DPYSL3: variants seen among roughly 807,000 people sequenced by gnomAD.
DPYSL3 encodes dihydropyrimidinase like 3.
In DPYSL3, 16 loss-of-function variants were observed where a neutral mutation model predicts 66.1. That is an observed-to-expected ratio of 0.24 (90% confidence interval 0.16 to 0.37). The LOEUF (loss-of-function observed/expected upper bound fraction) is 0.37, where lower values mean the gene tolerates loss of function less well. Among genes scored for constraint, DPYSL3 ranks in the 10% least tolerant of loss-of-function variants. The pLI, the probability that DPYSL3 is intolerant of heterozygous loss-of-function variation, is 1.00. For missense variants in DPYSL3, 738 were observed against 916.2 expected (o/e 0.81, Z 2.51); for synonymous variants, 338 against 345.1 (o/e 0.98, Z 0.23).
intron 1 of DPYSL3, among the ~76,000 whole-genome samples, chr5:147,467,970 C>A (rs1304970428): frequency 6.6e-6 from 1 of 152,144 alleles, no homozygotes; most frequent in Non-Finnish European, 1.5e-5. Context: ...GCACTAACTG[C>A]ATTCGTGAGG....
At chr5:147,477,809 C>G (rs1219651051) in intron 1 of DPYSL3, among the ~76,000 whole-genome samples, 2 of 151,508 alleles carry the variant, frequency 1.3e-5, no homozygotes, top group African/African-American at 4.9e-5. Context: ...GTCTCGATCT[C>G]CTGACCTCAT....
rs542693058 is a variant in DPYSL3 at position 147,400,947 on chromosome 5, T to G, written c.1311-114A>C. 32 of 1,361,062 alleles carry G rather than the reference T, an allele frequency of 2.4e-5. No homozygotes were observed. The African/African-American group carries it at 3.9e-4, about 17-fold the overall frequency. The allele number at this position is 1,361,062 out of a possible 1,614,324, so 84.3% of individuals were successfully genotyped here. ...GCACTCTGACTATTTGGGTTTGGAA[T>G]GCCTCCTCTACCTCTTACTAGATAT... is the stretch of plus-strand genomic sequence containing the variant. On this transcript the variant is annotated intron_variant, in intron 9 of 13. Coordinates refer to ENST00000343218, the MANE Select transcript of DPYSL3 (RefSeq NM_001197294.2).
chr5:147,466,379 G>C (rs1466402338), intron 1 of DPYSL3, among the ~76,000 whole-genome samples: 1 of 152,162 alleles, frequency 6.6e-6, no homozygotes, highest in African/African-American at 2.4e-5. Context: ...TTTGATATCT[G>C]TTCAGAATTA....
intron 1 of DPYSL3, among the ~76,000 whole-genome samples, chr5:147,490,888 G>A (rs981995022): frequency 2.6e-5 from 4 of 152,130 alleles, no homozygotes; most frequent in Non-Finnish European, 5.9e-5. Flanking sequence ...AGGGTGGTGC[G>A]GCAGGAGCAT....
intron 1 of DPYSL3, among the ~76,000 whole-genome samples, chr5:147,489,709 G>A (rs534922076): frequency 7.0e-4 from 105 of 151,058 alleles, no homozygotes; most frequent in African/African-American, 2.2e-3. Flanking sequence ...CTCCGTTTAC[G>A]ACTTCAGCGT....
At chr5:147,449,608 G>A (rs1752689638) in intron 1 of DPYSL3, among the ~76,000 whole-genome samples, 1 of 152,196 alleles carries the variant, frequency 6.6e-6, no homozygotes, top group Non-Finnish European at 1.5e-5. Context: ...TTTGAAGCTG[G>A]ACAAGGCCTA....
At chr5:147,492,823 A>G (rs757661607) in intron 1 of DPYSL3, among the ~76,000 whole-genome samples, 4 of 152,214 alleles carry the variant, frequency 2.6e-5, no homozygotes, top group African/African-American at 7.2e-5. Context: ...GTATATATCC[A>G]TCTATAATCC....
intron 3 of DPYSL3, 101 bp downstream of exon 3, chr5:147,418,346 T>A: frequency 8.0e-7 from 1 of 1,255,014 alleles, no homozygotes; most frequent in African/African-American, 1.5e-5. Flanking sequence ...TAAACTGAAC[T>A]GGGACAAGTA....
At chr5:147,417,039 G>A (rs1405276130) in intron 3 of DPYSL3, among the ~76,000 whole-genome samples, 1 of 152,198 alleles carries the variant, frequency 6.6e-6, no homozygotes, top group East Asian at 1.9e-4. Flanking sequence ...AACTCTAACA[G>A]CGATGTGGGA....
At position 147,418,542 on chromosome 5, in the gene DPYSL3, T is replaced by C. The variant is rs767677729; in HGVS notation, c.560A>G (p.His187Arg). 2 of 1,613,540 alleles carry C rather than the reference T, an allele frequency of 1.2e-6. No homozygotes were observed. Among genetic ancestry groups the C allele is most frequent in the Non-Finnish European group, 1.7e-6 (2 of 1,179,728 alleles). The stretch of plus-strand genomic sequence containing the variant: ...CTTATATGGCATCTGGAAGTGAGTA[T>C]GGACATCGATGCCTCCAGGGATCAC... ...KMVIPGGIDV[H>R]THFQMPYKGM... The change falls in exon 3 of 14, where the codon CAT becomes CGT. Residue 187 changes from histidine to arginine, a missense_variant. His to Arg is a conservative substitution (Grantham distance 29). Transcript: ENST00000343218.
intron 1 of DPYSL3, among the ~76,000 whole-genome samples, chr5:147,471,938 A>C (rs1261445314): frequency 1.3e-5 from 2 of 151,438 alleles, no homozygotes; most frequent in Non-Finnish European, 3.0e-5. Context: ...TTCTTCTCCC[A>C]CTCCTCTCAG....
In DPYSL3 at chr5:147,509,739, G is replaced by C. The variant is rs1286764808; in HGVS notation, c.120C>G (p.Asn40Lys). 1 of 1,535,998 alleles carries C rather than the reference G, an allele frequency of 6.5e-7. No homozygotes were observed. The highest frequency in any genetic ancestry group is 2.4e-5 in the East Asian group (1 of 40,888). ...TCTTGCTCTCGAAGGCGCCCTCCACGTTGCAGAACATGCCGCCGTATTTCT... is the reference window on the plus strand; with the variant it reads ...TCTTGCTCTCGAAGGCGCCCTCCACCTTGCAGAACATGCCGCCGTATTTCT... The part of the protein sequence containing the change: ...PRQKYGGMFC[N>K]VEGAFESKTL... Residue 40 changes from asparagine to lysine, a missense_variant, in exon 1 of 14, where the codon AAC becomes AAG. Physicochemically the swap from Asn to Lys is moderately conservative, Grantham distance 94. Coordinates refer to ENST00000343218, the MANE Select transcript of DPYSL3 (RefSeq NM_001197294.2). The surrounding 1 kb of genome is among the most constrained non-coding windows in gnomAD (Gnocchi z 5.3).
At chr5:147,397,155 CATGT>C (rs10561142) in intron 12 of DPYSL3, among the ~76,000 whole-genome samples, 67,115 of 148,896 alleles carry the variant, frequency 0.45, 15,854 homozygotes, top group African/African-American at 0.57. Context: ...CATTTGCACA[CATGT>C]ATGTATCTAT....
At chr5:147,453,411 C>T in intron 1 of DPYSL3, 3 of 1,314,494 alleles carry the variant, frequency 2.3e-6, no homozygotes, top group South Asian at 1.8e-5. Context: ...CCGCCGCGCT[C>T]CGCCACCCGG....
intron 1 of DPYSL3, among the ~76,000 whole-genome samples, chr5:147,474,593 A>G (rs756208011): frequency 9.2e-5 from 14 of 152,046 alleles, no homozygotes; most frequent in South Asian, 2.1e-4. Context: ...TTCTTTTACA[A>G]CAGTGTTTAT....
chr5:147,403,994 G>T (rs1360118858), intron 8 of DPYSL3, among the ~76,000 whole-genome samples: 4 of 152,172 alleles, frequency 2.6e-5, no homozygotes, highest in Non-Finnish European at 5.9e-5. Context: ...GTCACCCTAA[G>T]AATGGGTCCC....
chr5:147,412,645 G>A lies in DPYSL3; in HGVS notation c.926C>T (p.Ala309Val), dbSNP rs1473049327. The A allele has an allele frequency of 1.2e-6, 2 of 1,613,086 alleles. No individual in the cohort carries two copies. Among genetic ancestry groups the A allele is most frequent in the Non-Finnish European group, 1.7e-6 (2 of 1,179,624 alleles). Residue 309 changes from alanine to valine, a missense_variant, in exon 6 of 14, where the codon GCT becomes GTT. By Grantham distance (64) the Ala-to-Val change is moderately conservative. Coordinates refer to ENST00000343218, the MANE Select transcript of DPYSL3 (RefSeq NM_001197294.2). ...ATCCCCATTCTCAGCATGAACTTGA[G>A]CAATGGCCCCCAGCTCTCCCAGGCA... ...FTCLGELGAIAQVHAENGDII... is the reference protein window; with the variant it reads ...FTCLGELGAIVQVHAENGDII...
intron 8 of DPYSL3, among the ~76,000 whole-genome samples, chr5:147,403,881 C>T (rs2152018303): frequency 6.6e-6 from 1 of 152,264 alleles, no homozygotes; most frequent in Admixed American, 6.5e-5. Flanking sequence ...TTCTGCTCGC[C>T]AGAGAATTAT....
intron 1 of DPYSL3, among the ~76,000 whole-genome samples, chr5:147,431,520 T>C (rs181396678): frequency 1.6e-3 from 241 of 152,260 alleles, no homozygotes; most frequent in Admixed American, 7.8e-3. Context: ...CTTGGCACAC[T>C]ATAAATGCTC....
Sources: allele counts gnomAD v4.1 joint callset (sites outside exome capture counted in the v4.1 genomes callset), GRCh38; gene constraint gnomAD v4.1.1; non-coding constraint Gnocchi (gnomAD v3.1); transcripts MANE v1.5; gene names NCBI Gene and HGNC (gene_info 2026-07-23, HGNC 2026-07-21).